SLC49A4: variants seen among roughly 807,000 people sequenced by gnomAD.
The protein encoded by SLC49A4 is solute carrier family 49 member 4.
In SLC49A4, 36 loss-of-function variants were observed where a neutral mutation model predicts 50.6. That is an observed-to-expected ratio of 0.71 (90% CI 0.55 to 0.94). SLC49A4 has a LOEUF of 0.94. Among genes scored for constraint, SLC49A4 ranks in the 40% least tolerant of loss-of-function variants. The pLI, the probability that SLC49A4 is intolerant of heterozygous loss-of-function variation, is 0.00. For synonymous variants in SLC49A4, 248 were observed against 241.2 expected (o/e 1.03, Z -0.26); for missense variants, 503 against 605.7 (o/e 0.83, Z 1.78).
intron 3 of SLC49A4, 73 bp downstream of exon 3, chr3:122,827,138 T>A: frequency 6.7e-7 from 1 of 1,494,354 alleles, no homozygotes; most frequent in Non-Finnish European, 9.1e-7. Flanking sequence ...ACTTTTTGTA[T>A]AACAGATACC....
intron 2 of SLC49A4, among the ~76,000 whole-genome samples, chr3:122,823,339 C>G (rs1269355982): frequency 6.6e-6 from 1 of 152,228 alleles, no homozygotes; most frequent in Non-Finnish European, 1.5e-5. Flanking sequence ...ATGCAAAGCC[C>G]TGATATATAG....
intron 2 of SLC49A4, among the ~76,000 whole-genome samples, chr3:122,820,239 G>A (rs1366901305): frequency 1.1e-4 from 17 of 152,182 alleles, no homozygotes; most frequent in Admixed American, 1.1e-3. Context: ...GTAGAGATTT[G>A]TGGACTGATG....
chr3:122,828,577 G>A (rs981652969), intron 3 of SLC49A4, among the ~76,000 whole-genome samples: 6 of 152,198 alleles, frequency 3.9e-5, no homozygotes, highest in Non-Finnish European at 8.8e-5. Context: ...AACCTTCTAA[G>A]CAGGCCTGAA....
At chr3:122,825,240 C>G (rs1423610037) in intron 2 of SLC49A4, among the ~76,000 whole-genome samples, 1 of 152,134 alleles carries the variant, frequency 6.6e-6, no homozygotes, top group East Asian at 1.9e-4. Flanking sequence ...ATTGTTGTGC[C>G]ATCACATGCA....
intron 7 of SLC49A4, among the ~76,000 whole-genome samples, chr3:122,872,052 A>G (rs1937202574): frequency 6.6e-6 from 1 of 152,154 alleles, no homozygotes; most frequent in African/African-American, 2.4e-5. Flanking sequence ...TCTGACATTT[A>G]TTCTTAGATT....
chr3:122,867,565 GTTGTAA>G (rs1937135338), intron 7 of SLC49A4, among the ~76,000 whole-genome samples: 1 of 152,342 alleles, frequency 6.6e-6, no homozygotes, highest in East Asian at 1.9e-4. Flanking sequence ...AGATTATAAA[GTTGTAA>G]TTGTTATTGC....
At chr3:122,854,008 A>G (rs966264185) in intron 5 of SLC49A4, among the ~76,000 whole-genome samples, 1 of 152,196 alleles carries the variant, frequency 6.6e-6, no homozygotes, top group Non-Finnish European at 1.5e-5. Context: ...AAAGTACTAA[A>G]TGTTCTGAAA....
chr3:122,826,812 A>T lies in SLC49A4; in HGVS notation c.450A>T (p.Gly150=). ...TTTTAAATTCCAGATTAATTCATGGAGGACAGATGTTAAATGGATTGGCAG... is the reference window on the plus strand; with the variant it reads ...TTTTAAATTCCAGATTAATTCATGGTGGACAGATGTTAAATGGATTGGCAG... The part of the protein sequence containing the change: ...DLILKRRLIH[G]GQMLNGLAGP... Residue 150 remains glycine (G), a synonymous_variant, in exon 3 of 9, where the codon GGA becomes GGT. Coordinates refer to ENST00000261038, the MANE Select transcript of SLC49A4 (RefSeq NM_032839.3). 1 of 1,613,198 alleles carries T rather than the reference A, an allele frequency of 6.2e-7. No homozygotes were observed. Among genetic ancestry groups the T allele is most frequent in the Non-Finnish European group, 8.5e-7 (1 of 1,179,148 alleles).
At chr3:122,816,018 C>G (rs1262991152) in intron 2 of SLC49A4, among the ~76,000 whole-genome samples, 1 of 152,178 alleles carries the variant, frequency 6.6e-6, no homozygotes, top group Non-Finnish European at 1.5e-5. Context: ...ATTTCTCCTT[C>G]TGCTTATGGT....
At position 122,863,921 on chromosome 3, in the gene SLC49A4, C is replaced by G. The variant is rs1465112850; in HGVS notation, c.1138+3719C>G. On this transcript the variant is annotated intron_variant, in intron 7 of 8. Transcript: ENST00000261038. Reference sequence around the variant, plus strand: ...GTCTTTTTTTTTTGAGACAGTCTCACTCTGTCACCCAGACTGGAGTGCAGT... The same window carrying G: ...GTCTTTTTTTTTTGAGACAGTCTCAGTCTGTCACCCAGACTGGAGTGCAGT... Among the ~76,000 whole-genome samples the G allele has an allele frequency of 3.9e-4, 60 of 152,174 alleles. 1 individual carries two copies. The highest frequency in any genetic ancestry group is 1.9e-4 in the East Asian group (1 of 5,176).
At chr3:122,827,120 T>C (rs1292469710) in intron 3 of SLC49A4, 55 bp downstream of exon 3, 2 of 1,553,112 alleles carry the variant, frequency 1.3e-6, no homozygotes, top group African/African-American at 2.7e-5. Flanking sequence ...CTCAATCATC[T>C]TCACTCTACT....
intron 2 of SLC49A4, among the ~76,000 whole-genome samples, chr3:122,820,394 G>A (rs1433820927): frequency 6.6e-6 from 1 of 152,202 alleles, no homozygotes; most frequent in Admixed American, 6.5e-5. Context: ...TCTGGAAGGG[G>A]TTGGGTTATC....
intron 8 of SLC49A4, among the ~76,000 whole-genome samples, chr3:122,876,244 A>G (rs564565996): frequency 4.6e-5 from 7 of 152,316 alleles, no homozygotes; most frequent in African/African-American, 1.4e-4. Flanking sequence ...ATTCTGTTTA[A>G]TATTCTGAAG....
In SLC49A4 at chr3:122,879,496, G is replaced by A; in HGVS notation, c.*118G>A. The A allele has an allele frequency of 1.4e-6, 1 of 711,954 alleles. No individual in the cohort carries two copies. The highest frequency in any genetic ancestry group is 2.6e-5 in the Admixed American group (1 of 38,872). 44.1% of individuals were successfully genotyped at this position (711,954 alleles called of 1,614,324 possible). ...GGAGAAGAAAGAAACTTCATTCAGAGGTTTTGTTAGGTTACAGATTATCAC... is the reference window on the plus strand; with the variant it reads ...GGAGAAGAAAGAAACTTCATTCAGAAGTTTTGTTAGGTTACAGATTATCAC... On this transcript the variant is annotated 3_prime_UTR_variant, in exon 9 of 9. Coordinates refer to ENST00000261038, the MANE Select transcript of SLC49A4 (RefSeq NM_032839.3).
intron 2 of SLC49A4, among the ~76,000 whole-genome samples, chr3:122,817,645 A>G (rs776941879): frequency 6.6e-6 from 1 of 151,376 alleles, no homozygotes; most frequent in Non-Finnish European, 1.5e-5. Context: ...TGCCCAGGCA[A>G]TTGTGGCTCA....
At chr3:122,803,688 T>C (rs1284126175) in intron 1 of SLC49A4, among the ~76,000 whole-genome samples, 1 of 152,208 alleles carries the variant, frequency 6.6e-6, no homozygotes, top group East Asian at 1.9e-4. Flanking sequence ...TTGCTGATTT[T>C]CCATGCTTCC....
intron 2 of SLC49A4, among the ~76,000 whole-genome samples, chr3:122,819,891 G>A (rs776258608): frequency 3.3e-5 from 5 of 151,846 alleles, no homozygotes; most frequent in Middle Eastern, 3.4e-3. Context: ...GCATAATTAG[G>A]AATTGGGAGA....
chr3:122,827,679 T>C (rs1055965976), intron 3 of SLC49A4, among the ~76,000 whole-genome samples: 75 of 152,236 alleles, frequency 4.9e-4, no homozygotes, highest in Non-Finnish European at 6.5e-4. Context: ...TCTATATCCC[T>C]GTTTGTTATT....
rs760669827 is a variant in SLC49A4 at position 122,872,445 on chromosome 3, G to A, written c.1169G>A (p.Gly390Glu). Residue 390 changes from glycine to glutamate, a missense_variant, in exon 8 of 9, where the codon GGA (glycine) becomes GAA (glutamate). Gly to Glu is a moderately conservative substitution (Grantham distance 98). Coordinates refer to ENST00000261038, the MANE Select transcript of SLC49A4 (RefSeq NM_032839.3). The stretch of plus-strand genomic sequence containing the variant: ...TTGTATGCCTCCTGTATTCTCCTGG[G>A]AGTGTTCTTGAATAGCAGCGTGCCT... Reference protein sequence around the residue: ...VTLYASCILLGVFLNSSVPIF... With the variant: ...VTLYASCILLEVFLNSSVPIF... 6.2e-6 allele frequency: 10 copies of A among 1,613,590 alleles called. No homozygotes were observed. The South Asian group carries it at 9.9e-5, about 16-fold the overall frequency.
Sources: allele counts gnomAD v4.1 joint callset (sites outside exome capture counted in the v4.1 genomes callset), GRCh38; gene constraint gnomAD v4.1.1; transcripts MANE v1.5; gene names NCBI Gene and HGNC (gene_info 2026-07-23, HGNC 2026-07-21).